DGCR2: variants seen among roughly 807,000 people sequenced by gnomAD.
DGCR2 encodes the protein DiGeorge syndrome critical region gene 2.
In DGCR2, 24 loss-of-function variants were observed where a neutral mutation model predicts 51.6. The observed-to-expected ratio is 0.47, with a 90% CI of 0.34 to 0.65. The LOEUF is 0.65. Ranked by LOEUF, DGCR2 falls within the 30% of genes least tolerant of loss-of-function variation. DGCR2 has a pLI of 0.01. For synonymous variants in DGCR2, 340 were observed against 315.4 expected, an observed-to-expected ratio of 1.08 and a Z score of -0.82; for missense variants, 765 against 772.1, an observed-to-expected ratio of 0.99 and a Z score of 0.11.
chr22:19,114,830 TG>T (rs983558409), intron 1 of DGCR2, among the ~76,000 whole-genome samples: 5 of 152,304 alleles, frequency 3.3e-5, no homozygotes, highest in African/African-American at 1.2e-4. Context: ...AGGGTCTACC[TG>T]GGGGACCCTT....
At chr22:19,095,640 A>G (rs5993525) in intron 1 of DGCR2, among the ~76,000 whole-genome samples, 61,374 of 146,188 alleles carry the variant, frequency 0.42, 13,298 homozygotes, top group African/African-American at 0.52. Context: ...CAGCCTGGGC[A>G]ACAGCGCAAG....
At chr22:19,039,492 C>T (rs1386224349) in intron 9 of DGCR2, among the ~76,000 whole-genome samples, 1 of 152,124 alleles carries the variant, frequency 6.6e-6, no homozygotes, top group African/African-American at 2.4e-5. Flanking sequence ...GGTGAAGACC[C>T]GGCTCAGCAA....
At chr22:19,071,005 C>A (rs745560900) in intron 2 of DGCR2, among the ~76,000 whole-genome samples, 2 of 152,248 alleles carry the variant, frequency 1.3e-5, no homozygotes, top group Non-Finnish European at 2.9e-5. Flanking sequence ...CTCAGGCCTG[C>A]CTCTGACAGT....
At chr22:19,088,856 T>C (rs986576913) in intron 2 of DGCR2, among the ~76,000 whole-genome samples, 7 of 152,216 alleles carry the variant, frequency 4.6e-5, no homozygotes, top group Admixed American at 4.6e-4. Context: ...TTCTCCGATT[T>C]AGCCTTTTTG....
intron 1 of DGCR2, among the ~76,000 whole-genome samples, chr22:19,102,010 G>A (rs908208157): frequency 4.6e-5 from 7 of 151,914 alleles, no homozygotes; most frequent in South Asian, 2.1e-4. Flanking sequence ...AGCCGAGATC[G>A]CATCACTATA....
intron 1 of DGCR2, among the ~76,000 whole-genome samples, chr22:19,104,016 T>C (rs1161655949): frequency 6.6e-6 from 1 of 151,912 alleles, no homozygotes; most frequent in Non-Finnish European, 1.5e-5. Context: ...AGTGAGGCAC[T>C]GTTCTTTCAA....
At chr22:19,086,253 G>A (rs1236674403) in intron 2 of DGCR2, among the ~76,000 whole-genome samples, 1 of 151,954 alleles carries the variant, frequency 6.6e-6, no homozygotes, top group African/African-American at 2.4e-5. Flanking sequence ...CGAGGAGAGC[G>A]GATCACAAGG....
At chr22:19,046,865 T>G (rs952454430) in intron 7 of DGCR2, 1 of 279,416 alleles carries the variant, frequency 3.6e-6, no homozygotes, top group Non-Finnish European at 7.9e-6. Context: ...AGGCCATACA[T>G]GCCCACAAAT....
At chr22:19,060,735 T>C in intron 5 of DGCR2, 1 of 356,588 alleles carries the variant, frequency 2.8e-6, no homozygotes, top group Non-Finnish European at 5.6e-6. Flanking sequence ...CAGTTCTGTC[T>C]CCAGGGCACA....
At chr22:19,063,402 G>T in intron 4 of DGCR2, 124 bp from the exon 5 acceptor site, 1 of 839,616 alleles carries the variant, frequency 1.2e-6, no homozygotes, top group Non-Finnish European at 1.9e-6. Flanking sequence ...GTGCAGTGGT[G>T]CGATCTCGGC....
chr22:19,042,129 G>T (rs1289183005), intron 7 of DGCR2, among the ~76,000 whole-genome samples, 170 bp from the exon 8 acceptor site: 1 of 152,230 alleles, frequency 6.6e-6, no homozygotes, highest in Non-Finnish European at 1.5e-5. Flanking sequence ...TCAAAATCAA[G>T]AACATGGTGA....
intron 2 of DGCR2, among the ~76,000 whole-genome samples, chr22:19,072,886 T>TA (rs202215480): frequency 7.0e-6 from 1 of 142,816 alleles, no homozygotes; most frequent in East Asian, 2.1e-4. Context: ...AATAAATAAA[T>TA]AAAATTTTTT....
At chr22:19,098,330 G>A (rs912363594) in intron 1 of DGCR2, among the ~76,000 whole-genome samples, 2 of 152,134 alleles carry the variant, frequency 1.3e-5, no homozygotes, top group African/African-American at 4.8e-5. Context: ...ACCCTGAGTA[G>A]GGTCAGCACA....
At chr22:19,065,366 T>C (rs2082737001) in intron 3 of DGCR2, among the ~76,000 whole-genome samples, 1 of 152,232 alleles carries the variant, frequency 6.6e-6, no homozygotes, top group Non-Finnish European at 1.5e-5. Context: ...TGGATTTCAT[T>C]CTCTGGGTTA....
intron 6 of DGCR2, among the ~76,000 whole-genome samples, chr22:19,050,109 C>CTA (rs1291105654): frequency 1.3e-5 from 2 of 152,162 alleles, no homozygotes; most frequent in African/African-American, 4.8e-5. Context: ...AAACAATAAC[C>CTA]TATACATCCA....
At chr22:19,053,250 C>G (rs1484918449) in intron 6 of DGCR2, among the ~76,000 whole-genome samples, 1 of 152,148 alleles carries the variant, frequency 6.6e-6, no homozygotes, top group Non-Finnish European at 1.5e-5. Flanking sequence ...ACTGGGCCTG[C>G]TTAAGGCTCA....
intron 8 of DGCR2, 141 bp from the exon 9 acceptor site, chr22:19,041,435 CA>C: frequency 1.3e-6 from 1 of 776,256 alleles, no homozygotes; most frequent in South Asian, 1.7e-5. Context: ...CCCTCGGCCA[CA>C]TTCGGCATCC....
At chr22:19,082,227 T>C (rs866719452) in intron 2 of DGCR2, among the ~76,000 whole-genome samples, 1,930 of 142,120 alleles carry the variant, frequency 0.014, 66 homozygotes, top group East Asian at 0.06. Flanking sequence ...TATTTCTTTT[T>C]TTTTTTTTTT....
chr22:19,039,228 CT>C, intron 9 of DGCR2, 107 bp from the exon 10 acceptor site: 1 of 1,444,726 alleles, frequency 6.9e-7, no homozygotes, highest in Non-Finnish European at 9.4e-7. Context: ...GAAGGCCCCC[CT>C]GAAGCTGGGT....
Sources: allele counts gnomAD v4.1 joint callset (sites outside exome capture counted in the v4.1 genomes callset), GRCh38; gene constraint gnomAD v4.1.1; transcripts MANE v1.5; gene names NCBI Gene and HGNC (gene_info 2026-07-23, HGNC 2026-07-21).